The following SPHKAP variants were observed in gnomAD, a reference collection of about 807,000 sequenced individuals.
SPHKAP encodes the protein SPHK1 interactor, AKAP domain containing, also known as A-kinase anchor protein SPHKAP.
A neutral mutation model predicts 137.5 loss-of-function variants in SPHKAP; 67 were observed. That is an observed-to-expected ratio of 0.49 (90% CI 0.40 to 0.60). The LOEUF (loss-of-function observed/expected upper bound fraction) is 0.60. SPHKAP is among the 20% of genes least tolerant of loss of function. SPHKAP has a pLI of 0.00. For missense variants in SPHKAP, 2,097 were observed against 2,069.3 expected, an observed-to-expected ratio of 1.01 and a Z score of -0.26; for synonymous variants, 813 against 785.3, an observed-to-expected ratio of 1.04 and a Z score of -0.59.
intron 1 of SPHKAP, among the ~76,000 whole-genome samples, chr2:228,159,901 T>A (rs1279051770): frequency 6.6e-6 from 1 of 152,216 alleles, no homozygotes; most frequent in Non-Finnish European, 1.5e-5. Flanking sequence ...CAGACCAATC[T>A]GTGGTTTGTT....
In SPHKAP at chr2:228,027,394, T is replaced by G. The variant is rs1695086875; in HGVS notation, c.306+90A>C. 13 of 1,302,368 alleles carry G rather than the reference T, an allele frequency of 1.0e-5. No individual in the cohort carries two copies. The South Asian group carries it at 1.6e-4, about 16-fold the overall frequency. The allele number at this position is 1,302,368 out of a possible 1,614,324, so 80.7% of individuals were successfully genotyped here. On this transcript the variant is annotated intron_variant, in intron 4 of 11. Transcript: ENST00000392056. ...GTAATGAAACTATCTAACTAAAGAG[T>G]CTCCTACAAAATGAGCATTATTTAC...
intron 3 of SPHKAP, among the ~76,000 whole-genome samples, chr2:228,035,886 A>G (rs1695569069): frequency 6.6e-6 from 1 of 151,986 alleles, no homozygotes; most frequent in African/African-American, 2.4e-5. Flanking sequence ...TTAATTCAAG[A>G]TGGATTAAAG....
At chr2:228,038,557 A>G (rs1276962455) in intron 3 of SPHKAP, among the ~76,000 whole-genome samples, 2 of 152,210 alleles carry the variant, frequency 1.3e-5, no homozygotes, top group Non-Finnish European at 2.9e-5. Flanking sequence ...ATTCTCTGTA[A>G]AATGCCTGCA....
At chr2:228,053,805 A>G (rs575326016) in intron 3 of SPHKAP, among the ~76,000 whole-genome samples, 1 of 152,248 alleles carries the variant, frequency 6.6e-6, no homozygotes, top group Admixed American at 6.5e-5. Context: ...CTGTGCTACA[A>G]TACATTTGGT....
At chr2:228,106,647 G>C (rs1339146008) in intron 3 of SPHKAP, among the ~76,000 whole-genome samples, 1 of 152,114 alleles carries the variant, frequency 6.6e-6, no homozygotes, top group Non-Finnish European at 1.5e-5. Flanking sequence ...TGACGATTTT[G>C]GTCACTGCTT....
intron 11 of SPHKAP, among the ~76,000 whole-genome samples, chr2:227,985,627 C>A (rs1014339651): frequency 6.6e-6 from 1 of 152,048 alleles, no homozygotes; most frequent in African/African-American, 2.4e-5. Flanking sequence ...GGTTCCCTAC[C>A]CATAGATCAT....
Position 228,016,521 on chromosome 2 carries a change from G to T in SPHKAP, c.4333C>A (p.Pro1445Thr), listed in dbSNP as rs1694598537. ...QREACAGEPE[P>T]FLSKSSLLEE... ...AGGAGGCTGCTTTTGGAAAGGAAGG[G>T]TTCAGGTTCCCCAGCACAGGCTTCT... Residue 1445 changes from proline (P) to threonine (T), a missense_variant, in exon 7 of 12, where the codon CCC (proline) becomes ACC (threonine). Physicochemically the swap from Pro to Thr is conservative, Grantham distance 38. Coordinates refer to ENST00000392056, the MANE Select transcript of SPHKAP (RefSeq NM_001142644.2). 1.9e-6 allele frequency: 3 copies of T among 1,613,992 alleles called. No individual in the cohort carries two copies. The highest frequency in any genetic ancestry group is 2.5e-6 in the Non-Finnish European group (3 of 1,180,000).
chr2:228,088,016 C>T (rs894910724), intron 3 of SPHKAP, among the ~76,000 whole-genome samples: 1 of 152,070 alleles, frequency 6.6e-6, no homozygotes, highest in Non-Finnish European at 1.5e-5. Flanking sequence ...TTCTATTGTA[C>T]ATTTCATATT....
chr2:228,028,279 T>C (rs967914202), intron 3 of SPHKAP, among the ~76,000 whole-genome samples: 2 of 152,250 alleles, frequency 1.3e-5, no homozygotes, highest in Non-Finnish European at 2.9e-5. Flanking sequence ...GCTCCTTTTC[T>C]CTACCCACTT....
intron 3 of SPHKAP, among the ~76,000 whole-genome samples, chr2:228,095,460 T>G (rs981644655): frequency 4.6e-5 from 7 of 152,090 alleles, no homozygotes; most frequent in Admixed American, 3.9e-4. Context: ...GAGACTAGTG[T>G]TTTTAAAGCC....
intron 3 of SPHKAP, among the ~76,000 whole-genome samples, chr2:228,029,028 G>A (rs1273131335): frequency 1.3e-5 from 2 of 152,206 alleles, no homozygotes; most frequent in African/African-American, 4.8e-5. Context: ...ATACTTTGAG[G>A]TGAGAAAGTG....
chr2:228,067,749 A>C (rs1051982404), intron 3 of SPHKAP, among the ~76,000 whole-genome samples: 1 of 152,342 alleles, frequency 6.6e-6, no homozygotes, highest in African/African-American at 2.4e-5. Context: ...GTTTTATATG[A>C]ATTGTTTACA....
intron 3 of SPHKAP, among the ~76,000 whole-genome samples, chr2:228,051,442 G>A (rs1179307103): frequency 1.3e-5 from 2 of 152,176 alleles, no homozygotes; most frequent in Non-Finnish European, 2.9e-5. Flanking sequence ...AAATATGCCT[G>A]TGTGGTGGAC....
chr2:228,113,603 ATCTCTCTCTCTCTCTCTC>A (rs139499722), intron 2 of SPHKAP, among the ~76,000 whole-genome samples: 1,706 of 97,978 alleles, frequency 0.017, 25 homozygotes, highest in African/African-American at 0.025. Flanking sequence ...GCATTTAGCC[ATCTCTCTCTCTCTCTCTC>A]TCTCTCTCTC....
At chr2:228,180,888 G>A (rs1337279625) in intron 1 of SPHKAP, among the ~76,000 whole-genome samples, 3 of 152,192 alleles carry the variant, frequency 2.0e-5, no homozygotes, top group Non-Finnish European at 4.4e-5. Context: ...CACGTTACTC[G>A]CACCCGGCAG....
At chr2:227,993,427 A>C in intron 9 of SPHKAP, 107 bp downstream of exon 9, 1 of 984,360 alleles carries the variant, frequency 1.0e-6, no homozygotes, top group Non-Finnish European at 1.6e-6. Context: ...ACAGCAGTAC[A>C]GACATGATGA....
intron 3 of SPHKAP, among the ~76,000 whole-genome samples, chr2:228,040,005 A>G (rs559163920): frequency 9.2e-5 from 14 of 152,264 alleles, no homozygotes; most frequent in Non-Finnish European, 1.6e-4. Flanking sequence ...CTAGGAGGTG[A>G]GCCCTTTGAT....
intron 2 of SPHKAP, among the ~76,000 whole-genome samples, chr2:228,113,107 A>G (rs1220810535): frequency 6.6e-6 from 1 of 152,190 alleles, no homozygotes; most frequent in Non-Finnish European, 1.5e-5. Context: ...CATTTGCCAC[A>G]TACATGCAAC....
At chr2:228,063,156 C>T (rs1170929409) in intron 3 of SPHKAP, among the ~76,000 whole-genome samples, 1 of 140,036 alleles carries the variant, frequency 7.1e-6, no homozygotes, top group Admixed American at 7.1e-5. Flanking sequence ...ATCTATCTAT[C>T]TATCTATCTA....
Sources: gnomAD v4.1 joint callset for allele counts (sites outside exome capture counted in the v4.1 genomes callset) on GRCh38, gnomAD v4.1.1 for gene constraint, MANE v1.5 for transcripts, NCBI Gene and HGNC (gene_info 2026-07-23, HGNC 2026-07-21) for gene names.